The following TOX variants were observed in gnomAD, a reference collection of about 807,000 sequenced individuals.
TOX encodes the protein thymocyte selection-associated high mobility group box protein TOX.
TOX carries 11 observed loss-of-function variants against 53.7 expected under a neutral mutation model. That is an observed-to-expected ratio of 0.20 (90% CI 0.13 to 0.34). TOX has a LOEUF of 0.34. TOX is among the 10% of genes least tolerant of loss of function. The pLI is 1.00. For missense variants in TOX, 570 were observed against 664.6 expected, an observed-to-expected ratio of 0.86 and a Z score of 1.56; for synonymous variants, 225 against 245.3, an observed-to-expected ratio of 0.92 and a Z score of 0.77.
At chr8:59,057,163 G>C (rs907040057) in intron 1 of TOX, among the ~76,000 whole-genome samples, 2 of 151,876 alleles carry the variant, frequency 1.3e-5, no homozygotes, top group Non-Finnish European at 2.9e-5. Context: ...ACATATTAAT[G>C]AAGACATTAA....
chr8:58,931,223 C>T (rs1812248194), intron 3 of TOX, among the ~76,000 whole-genome samples: 1 of 152,032 alleles, frequency 6.6e-6, no homozygotes, highest in Non-Finnish European at 1.5e-5. Context: ...ATAAAACATC[C>T]ACGTAGAGGC....
At chr8:58,909,657 TCTC>T (rs1339144869) in intron 3 of TOX, among the ~76,000 whole-genome samples, 1 of 147,902 alleles carries the variant, frequency 6.8e-6, no homozygotes, top group East Asian at 2.0e-4. Context: ...ATTCTCTCTC[TCTC>T]TTTTTTTTTT....
intron 1 of TOX, among the ~76,000 whole-genome samples, chr8:59,108,115 A>C (rs1804945097): frequency 6.6e-6 from 1 of 152,238 alleles, no homozygotes; most frequent in South Asian, 2.1e-4. Context: ...TCTAAAAAAC[A>C]TAAAAGACTT....
At chr8:58,855,890 G>A (rs770859351) in intron 3 of TOX, among the ~76,000 whole-genome samples, 1 of 151,936 alleles carries the variant, frequency 6.6e-6, no homozygotes, top group Non-Finnish European at 1.5e-5. Context: ...ACCATTTTCC[G>A]AGAATTTGCT....
intron 3 of TOX, among the ~76,000 whole-genome samples, chr8:58,885,297 TTTTCTTTGA>T (rs1422002757): frequency 2.6e-5 from 4 of 152,122 alleles, no homozygotes. Context: ...TAATGTATAG[TTTTCTTTGA>T]TTTCTTTGGT....
chr8:59,048,942 A>C (rs1323044466), intron 1 of TOX, among the ~76,000 whole-genome samples: 1 of 152,216 alleles, frequency 6.6e-6, no homozygotes, highest in Non-Finnish European at 1.5e-5. Context: ...GTTATTGAAA[A>C]TAAAAATGTA....
rs145034555 is a variant in TOX at position 58,851,792 on chromosome 8, C to T, written c.425G>A (p.Arg142Gln). Residue 142 changes from arginine to glutamine, a missense_variant, in exon 4 of 9, where the codon CGA becomes CAA. Arg to Gln is a conservative substitution (Grantham distance 43). Around this residue, in one of 3 missense-constraint regions of TOX, gnomAD observed 282 missense variants for 315.0 expected, o/e 0.90. Transcript: ENST00000361421. This position sits in a 1 kb window ranked among gnomAD's most constrained non-coding sequence, Gnocchi z 4.4. ...SNSISVMPDI[R>Q]NPEGTQYSSH... ...ACTGTACTGAGTTCCTTCTGGGTTT[C>T]GTATATCTGGCATCTACAATAAATA... 5.4e-5 allele frequency: 85 copies of T among 1,564,800 alleles called. No individual in the cohort carries two copies. The highest frequency in any genetic ancestry group is 3.4e-5 in the Admixed American group (2 of 58,486).
At chr8:58,852,159 A>C (rs939606350) in intron 3 of TOX, among the ~76,000 whole-genome samples, 1 of 152,156 alleles carries the variant, frequency 6.6e-6, no homozygotes, top group Non-Finnish European at 1.5e-5. Flanking sequence ...ATATAACGTA[A>C]GTTTCAAGAT....
At chr8:58,927,936 G>A (rs1585906112) in intron 3 of TOX, among the ~76,000 whole-genome samples, 2 of 152,274 alleles carry the variant, frequency 1.3e-5, no homozygotes, top group Middle Eastern at 6.8e-3. Flanking sequence ...CAGACCCACA[G>A]GCGTACCCAC....
intron 3 of TOX, among the ~76,000 whole-genome samples, chr8:58,934,031 C>T (rs1042859871): frequency 8.5e-5 from 13 of 152,158 alleles, no homozygotes; most frequent in African/African-American, 1.2e-4. Flanking sequence ...AAATCAATTA[C>T]TCACTATCAA....
chr8:58,988,840 A>G (rs1273402373), intron 1 of TOX, among the ~76,000 whole-genome samples: 1 of 152,194 alleles, frequency 6.6e-6, no homozygotes, highest in Non-Finnish European at 1.5e-5. Context: ...AGCCAAACCA[A>G]TGGTCAGGTA....
intron 6 of TOX, among the ~76,000 whole-genome samples, chr8:58,816,799 C>A (rs1810186324): frequency 6.6e-6 from 1 of 152,154 alleles, no homozygotes. Context: ...TCTCGGGGTC[C>A]TTCTGCTCAA....
intron 1 of TOX, among the ~76,000 whole-genome samples, chr8:58,983,054 G>T (rs986200699): frequency 6.6e-6 from 1 of 152,276 alleles, no homozygotes; most frequent in East Asian, 1.9e-4. Context: ...TCTCAAACCA[G>T]AGTGGTATTT....
chr8:58,896,146 T>G (rs1480265493), intron 3 of TOX, among the ~76,000 whole-genome samples: 1 of 152,134 alleles, frequency 6.6e-6, no homozygotes, highest in Non-Finnish European at 1.5e-5. Context: ...TGTCAAAAAG[T>G]GGGATAAAAT....
At chr8:58,906,855 A>G (rs1342603141) in intron 3 of TOX, among the ~76,000 whole-genome samples, 1 of 152,182 alleles carries the variant, frequency 6.6e-6, no homozygotes, top group Non-Finnish European at 1.5e-5. Context: ...ATATAAAAAT[A>G]TTTGCTTATG....
chr8:59,056,805 T>C (rs531819440), intron 1 of TOX, among the ~76,000 whole-genome samples: 38 of 152,244 alleles, frequency 2.5e-4, no homozygotes, highest in Middle Eastern at 3.4e-3. Context: ...GAAGAGCAAC[T>C]AGAAAAAGAC....
At chr8:58,989,996 A>C (rs1200861587) in intron 1 of TOX, among the ~76,000 whole-genome samples, 1 of 152,238 alleles carries the variant, frequency 6.6e-6, no homozygotes, top group Non-Finnish European at 1.5e-5. Context: ...GCTGTATCCC[A>C]GCAATGGTTG....
chr8:59,065,746 T>C (rs893029186), intron 1 of TOX, among the ~76,000 whole-genome samples: 7 of 152,146 alleles, frequency 4.6e-5, no homozygotes, highest in African/African-American at 1.7e-4. Flanking sequence ...GTACCATCTA[T>C]GTGGATTATG....
At chr8:58,853,287 A>G (rs1041171302) in intron 3 of TOX, among the ~76,000 whole-genome samples, 4 of 152,070 alleles carry the variant, frequency 2.6e-5, no homozygotes, top group Non-Finnish European at 5.9e-5. Flanking sequence ...CGTTTTTTCC[A>G]TTATCCAAAC....
Sources: allele counts gnomAD v4.1 joint callset (sites outside exome capture counted in the v4.1 genomes callset), GRCh38; gene constraint gnomAD v4.1.1; regional missense constraint gnomAD v4.1.1; non-coding constraint Gnocchi (gnomAD v3.1); transcripts MANE v1.5; gene names NCBI Gene and HGNC (gene_info 2026-07-23, HGNC 2026-07-21).